Variants in COL13A1 observed in about 807,000 individuals in gnomAD.
COL13A1 encodes collagen alpha-1(XIII) chain.
Under a neutral mutation model 130.9 loss-of-function variants are expected in COL13A1, and 89 were observed. That is an observed-to-expected ratio of 0.68 (90% CI 0.57 to 0.81). The LOEUF (loss-of-function observed/expected upper bound fraction) is 0.81, where lower values mean the gene tolerates loss of function less well. Among genes scored for constraint, COL13A1 ranks in the 30% least tolerant of loss-of-function variants. The probability of loss-of-function intolerance (pLI) is 0.00; values close to 1 mark genes in which losing one functional copy is unlikely to be tolerated. For missense variants in COL13A1, 879 were observed against 934.6 expected, an observed-to-expected ratio of 0.94 and a Z score of 0.78; for synonymous variants, 402 against 341.6, an observed-to-expected ratio of 1.18 and a Z score of -1.95.
At chr10:69,893,043 A>G (rs1377273195) in intron 10 of COL13A1, among the ~76,000 whole-genome samples, 1 of 152,190 alleles carries the variant, frequency 6.6e-6, no homozygotes, top group Non-Finnish European at 1.5e-5. Flanking sequence ...CATGTGCTGC[A>G]GAACTTCATT....
intron 15 of COL13A1, among the ~76,000 whole-genome samples, chr10:69,904,587 G>A (rs2062544255): frequency 1.3e-5 from 2 of 152,212 alleles, no homozygotes; most frequent in Non-Finnish European, 2.9e-5. Context: ...GGCTTTCTAG[G>A]GAGGGGTTCC....
intron 32 of COL13A1, among the ~76,000 whole-genome samples, chr10:69,936,173 GAAGGA>G (rs558317500): frequency 0.49 from 9,516 of 19,598 alleles, 2,828 homozygotes; most frequent in South Asian, 0.66. Flanking sequence ...AGGAAGGAAG[GAAGGA>G]AAGGAAAGGA....
chr10:69,939,753 G>A (rs2067385736), intron 34 of COL13A1, among the ~76,000 whole-genome samples: 1 of 152,212 alleles, frequency 6.6e-6, no homozygotes, highest in Admixed American at 6.5e-5. Flanking sequence ...CCAGGCATCT[G>A]TTTTATTTAA....
At chr10:69,897,718 G>T (rs1188105654) in intron 13 of COL13A1, among the ~76,000 whole-genome samples, 1 of 152,202 alleles carries the variant, frequency 6.6e-6, no homozygotes, top group African/African-American at 2.4e-5. Flanking sequence ...CCCCAGCTGG[G>T]CGCATTCGCA....
rs1404621645 is a variant in COL13A1 at position 69,944,445 on chromosome 10, C to T, written c.1968+267C>T. ...CCAGGTTGGGAGGATCACTTGAGCT[C>T]AGGAGTCTGAGACCAGCCTGGACAA... On this transcript the variant is annotated intron_variant, in intron 36 of 40. Coordinates refer to ENST00000645393, the MANE Select transcript of COL13A1 (RefSeq NM_001368882.1). Among the ~76,000 whole-genome samples, 6 of 152,206 alleles carry T rather than the reference C, an allele frequency of 3.9e-5. No individual in the cohort carries two copies. The East Asian group carries it at 9.7e-4, about 25-fold the overall frequency.
intron 2 of COL13A1, among the ~76,000 whole-genome samples, chr10:69,863,200 G>C (rs1172357203): frequency 6.6e-6 from 1 of 152,180 alleles, no homozygotes; most frequent in Non-Finnish European, 1.5e-5. Flanking sequence ...CAGCATCCCT[G>C]GCCCGTACCC....
At position 69,930,080 on chromosome 10, in the gene COL13A1, G is replaced by C. The variant is rs753958445; in HGVS notation, c.1523G>C (p.Gly508Ala). 1.9e-6 allele frequency: 3 copies of C among 1,613,968 alleles called. No individual in the cohort carries two copies. In the South Asian group the frequency reaches 3.3e-5, roughly 18 times the overall value. The part of the protein sequence containing the change: ...IGLPGPPGHD[G>A]EKGPRGKPGD... ...CTGCCAGGCCCTCCAGGACACGATG[G>C]GGAAAAGGTATGAACAGACGTCCTC... is the stretch of plus-strand genomic sequence containing the variant. The change falls in exon 29 of 41, where the codon GGG (glycine) becomes GCG (alanine). Residue 508 changes from glycine to alanine, a missense_variant. By Grantham distance (60) the Gly-to-Ala change is moderately conservative (BLOSUM62 0). Transcript: ENST00000645393.
At chr10:69,804,072 G>A (rs77001515) in intron 1 of COL13A1, among the ~76,000 whole-genome samples, 3,011 of 152,044 alleles carry the variant, frequency 0.02, 45 homozygotes, top group Non-Finnish European at 0.033. Flanking sequence ...TCATTCCCAC[G>A]CCCTGCCAGG....
intron 31 of COL13A1, among the ~76,000 whole-genome samples, chr10:69,934,059 ATAT>A (rs760271817): frequency 3.3e-5 from 5 of 152,222 alleles, no homozygotes; most frequent in Admixed American, 6.5e-5. Context: ...AATTCTACAC[ATAT>A]TATATGTAAA....
intron 7 of COL13A1, 127 bp from the exon 8 acceptor site, chr10:69,887,329 G>A: frequency 2.2e-6 from 2 of 917,554 alleles, no homozygotes; most frequent in South Asian, 3.0e-5. Context: ...ACTAACCACA[G>A]TGAGTGTCCC....
intron 17 of COL13A1, among the ~76,000 whole-genome samples, chr10:69,909,673 G>A (rs369554272): frequency 1.3e-5 from 2 of 152,322 alleles, no homozygotes; most frequent in South Asian, 2.1e-4. Flanking sequence ...TTCCTTGGGA[G>A]GCTATAAATG....
chr10:69,927,901 TG>T (rs1424937416), intron 27 of COL13A1, among the ~76,000 whole-genome samples: 5 of 152,360 alleles, frequency 3.3e-5, no homozygotes, highest in African/African-American at 1.2e-4. Context: ...GGCTTATGCC[TG>T]TAATCCCAGC....
chr10:69,945,749 C>T (rs1156963014), intron 37 of COL13A1, 25 bp downstream of exon 37: 2 of 1,602,222 alleles, frequency 1.2e-6, no homozygotes, highest in Non-Finnish European at 8.5e-7. Context: ...ATCAGAGGTT[C>T]CTCTCCTCCC....
intron 2 of COL13A1, among the ~76,000 whole-genome samples, chr10:69,850,014 AG>A (rs1163229416): frequency 6.6e-6 from 1 of 152,162 alleles, no homozygotes; most frequent in Non-Finnish European, 1.5e-5. Flanking sequence ...GGATTTGCAG[AG>A]CCTGAACACA....
rs2704505 is a variant in COL13A1, at chr10:69,802,014, G to A, written c.-410G>A. On this transcript the variant is annotated 5_prime_UTR_variant, in exon 1 of 41. In the 5' UTR this introduces an upstream ATG that the reference lacks. Coordinates refer to ENST00000645393, the MANE Select transcript of COL13A1 (RefSeq NM_001368882.1). ...CCCACCTCTGCCCATGGGGCCCTCC[G>A]TGTGCGCCCCTTCGCCCGGGGACTG... 0.93 allele frequency: 158,661 copies of A among 170,020 alleles called. 74,402 individuals carry two copies. The highest frequency in any genetic ancestry group is 0.98 in the Non-Finnish European group (79,207 of 80,502). 10.5% of individuals were successfully genotyped at this position (170,020 alleles called of 1,614,324 possible).
chr10:69,918,382 G>A, intron 19 of COL13A1, 65 bp downstream of exon 19: 4 of 1,546,814 alleles, frequency 2.6e-6, no homozygotes, highest in Non-Finnish European at 3.6e-6. Context: ...GGGCAGAGCT[G>A]GAAATCTTAG....
At chr10:69,904,991 G>C (rs1163429140) in intron 16 of COL13A1, 32 bp downstream of exon 16, 3 of 1,559,652 alleles carry the variant, frequency 1.9e-6, no homozygotes, top group Non-Finnish European at 2.6e-6. Flanking sequence ...GTGTTGAACA[G>C]GTGGGAGAAT....
chr10:69,918,427 C>A, intron 19 of COL13A1, 110 bp downstream of exon 19: 3 of 1,051,076 alleles, frequency 2.9e-6, no homozygotes, highest in Non-Finnish European at 2.8e-6. Flanking sequence ...AATGAGGGGG[C>A]ATACAGGATT....
chr10:69,876,960 G>A (rs887671853), intron 5 of COL13A1, among the ~76,000 whole-genome samples: 6 of 152,170 alleles, frequency 3.9e-5, no homozygotes, highest in East Asian at 3.9e-4. Flanking sequence ...TCCTTCTTGG[G>A]CCCTGTGGAC....
Sources: allele counts gnomAD v4.1 joint callset (sites outside exome capture counted in the v4.1 genomes callset), GRCh38; gene constraint gnomAD v4.1.1; transcripts MANE v1.5; gene names NCBI Gene and HGNC (gene_info 2026-07-23, HGNC 2026-07-21).